VAV2: variants seen among roughly 807,000 people sequenced by gnomAD.
The protein encoded by VAV2 is guanine nucleotide exchange factor VAV2.
VAV2 carries 67 observed loss-of-function variants against 132.5 expected under a neutral mutation model. That is an observed-to-expected ratio of 0.51 (90% CI 0.42 to 0.62). VAV2 has a LOEUF of 0.62. VAV2 is among the 20% of genes least tolerant of loss of function. The pLI, the probability that VAV2 is intolerant of heterozygous loss-of-function variation, is 0.00. For missense variants in VAV2, 938 were observed against 1,153.6 expected (o/e 0.81, Z 2.71); for synonymous variants, 492 against 443.5 (o/e 1.11, Z -1.37).
intron 22 of VAV2, among the ~76,000 whole-genome samples, chr9:133,777,762 T>C (rs1833867787): frequency 6.6e-6 from 1 of 152,156 alleles, no homozygotes; most frequent in Non-Finnish European, 1.5e-5. Flanking sequence ...ACTGATACTC[T>C]GCACAGCTCA....
At chr9:133,810,168 G>A in intron 6 of VAV2, 23 bp downstream of exon 6, 2 of 1,613,104 alleles carry the variant, frequency 1.2e-6, no homozygotes, top group Non-Finnish European at 1.7e-6. Flanking sequence ...GACGTCCCCA[G>A]CCTCCCCTTC....
In VAV2 at chr9:133,977,313, G is replaced by T. The variant is rs191217955; in HGVS notation, c.204+14762C>A. The stretch of plus-strand genomic sequence containing the variant: ...GGTCTTGGCTTTCACCAAAATGACT[G>T]CGGGATCATTTCTCTCTCCCGTCCC... On this transcript the variant is annotated intron_variant, in intron 1 of 29. Coordinates refer to ENST00000371850, the MANE Select transcript of VAV2 (RefSeq NM_001134398.2). Among the ~76,000 whole-genome samples the T allele has an allele frequency of 3.5e-4, 54 of 152,320 alleles. No individual in the cohort carries two copies. The East Asian group carries it at 5.8e-3, about 16-fold the overall frequency.
intron 12 of VAV2, among the ~76,000 whole-genome samples, chr9:133,793,809 G>A (rs2239913): frequency 0.55 from 83,489 of 151,684 alleles, 23,377 homozygotes; most frequent in African/African-American, 0.65. Context: ...TCTCAAAGAC[G>A]CTGCCGTACA....
Position 133,974,391 on chromosome 9 carries a change from C to T in VAV2, c.204+17684G>A, listed in dbSNP as rs572024924. ...CCAGCCTCCCCTTGAGGCAGCCACT[C>T]GCCGGGTGGGAGTGGACGTCAGGTG... On this transcript the variant is annotated intron_variant, in intron 1 of 29. Coordinates refer to ENST00000371850, the MANE Select transcript of VAV2 (RefSeq NM_001134398.2). 3.9e-5 allele frequency among the ~76,000 whole-genome samples: 6 copies of T among 152,300 alleles called. No homozygotes were observed. The East Asian group carries it at 7.7e-4, about 20-fold the overall frequency.
chr9:133,983,291 C>T (rs544826233), intron 1 of VAV2, among the ~76,000 whole-genome samples: 2 of 152,328 alleles, frequency 1.3e-5, no homozygotes, highest in African/African-American at 4.8e-5. Context: ...CAAAAGAGGG[C>T]ATCACGCTGC....
chr9:133,967,284 G>A (rs1228305731), intron 1 of VAV2, among the ~76,000 whole-genome samples: 2 of 152,112 alleles, frequency 1.3e-5, no homozygotes, highest in South Asian at 2.1e-4. Context: ...GTGGAGAAAG[G>A]GGAACACTAG....
At chr9:133,887,990 C>A (rs1421868406) in intron 2 of VAV2, among the ~76,000 whole-genome samples, 2 of 152,242 alleles carry the variant, frequency 1.3e-5, no homozygotes, top group Non-Finnish European at 2.9e-5. Flanking sequence ...ACCCCCAGTT[C>A]CCAAGCCCGA....
Position 133,796,503 on chromosome 9 carries a change from C to T in VAV2, c.958G>A (p.Asp320Asn). The T allele has an allele frequency of 6.2e-7, 1 of 1,613,682 alleles. No individual in the cohort carries two copies. Among genetic ancestry groups the T allele is most frequent in the Non-Finnish European group, 8.5e-7 (1 of 1,179,890 alleles). The change falls in exon 11 of 30, where the codon GAT becomes AAT. Residue 320 changes from aspartate to asparagine, a missense_variant. By Grantham distance (23) the Asp-to-Asn change is conservative (BLOSUM62 1). Transcript: ENST00000371850. ...AGGTCTTGCAGCTTAAATTTTCCAT[C>T]CTGGACCTTCAGTGTGCACTCCTGG... ...KVEECTLKVQDGKFKLQDLLV... is the reference protein window; with the variant it reads ...KVEECTLKVQNGKFKLQDLLV...
At chr9:133,952,710 C>T (rs1588161987) in intron 1 of VAV2, among the ~76,000 whole-genome samples, 1 of 152,138 alleles carries the variant, frequency 6.6e-6, no homozygotes, top group Admixed American at 6.5e-5. Flanking sequence ...GACAAGAGGC[C>T]GTGTGACGAC....
At chr9:133,772,125 G>A (rs1421522089) in intron 25 of VAV2, 79 bp from the exon 26 acceptor site, 1 of 599,082 alleles carries the variant, frequency 1.7e-6, no homozygotes, top group Non-Finnish European at 2.6e-6. Context: ...GGCTCATTCT[G>A]TGTTTGCTGC....
rs911643460 is a variant in VAV2, at chr9:133,991,506, CCCGGGT to C, written c.204+563_204+568del. ...GGGAGCCAGGACTGGCGCCAAGTGG[CCCGGGT>C]CCGGGTCCGGGAAGAGGCGGAGGCC... is the stretch of plus-strand genomic sequence containing the variant. On this transcript the variant is annotated intron_variant, in intron 1 of 29. Coordinates refer to ENST00000371850, the MANE Select transcript of VAV2 (RefSeq NM_001134398.2). This position sits in a 1 kb window ranked among gnomAD's most constrained non-coding sequence, Gnocchi z 4.8. Among the ~76,000 whole-genome samples the C allele has an allele frequency of 4.6e-5, 7 of 152,138 alleles. No homozygotes were observed. Among genetic ancestry groups the C allele is most frequent in the African/African-American group, 1.7e-4 (7 of 41,454 alleles).
At position 133,849,469 on chromosome 9, in the gene VAV2, T is replaced by A. The variant is rs1041497741; in HGVS notation, c.380+11905A>T. On this transcript the variant is annotated intron_variant, in intron 3 of 29. Transcript: ENST00000371850. The stretch of plus-strand genomic sequence containing the variant: ...ACAGGCAGGCTAGGCTGAGGAGGCG[T>A]GGCTGAGGGACCCCCTCCTGGACCC... 7.9e-5 allele frequency among the ~76,000 whole-genome samples: 12 copies of A among 152,176 alleles called. 1 individual carries two copies. In the South Asian group the frequency reaches 1.9e-3, roughly 24 times the overall value.
chr9:133,954,986 C>A (rs539807717), intron 1 of VAV2, among the ~76,000 whole-genome samples: 1 of 152,038 alleles, frequency 6.6e-6, no homozygotes, highest in Non-Finnish European at 1.5e-5. Context: ...CTGCTGTTTG[C>A]GTGCAATGAA....
chr9:133,984,446 G>C (rs72764874), intron 1 of VAV2, among the ~76,000 whole-genome samples: 20,138 of 152,106 alleles, frequency 0.13, 1,398 homozygotes, highest in Middle Eastern at 0.17. Flanking sequence ...GCTCTCATCT[G>C]TACAAGAAAT....
chr9:133,796,277 T>C lies in VAV2; in HGVS notation c.1032+152A>G, dbSNP rs1460621202. The C allele has an allele frequency of 8.0e-6, 5 of 628,518 alleles. 1 individual carries two copies. The highest frequency in any genetic ancestry group is 5.9e-5 in the Admixed American group (2 of 34,006). 38.9% of individuals were successfully genotyped at this position (628,518 alleles called of 1,614,324 possible). On this transcript the variant is annotated intron_variant, in intron 11 of 29. Coordinates refer to ENST00000371850, the MANE Select transcript of VAV2 (RefSeq NM_001134398.2). The stretch of plus-strand genomic sequence containing the variant: ...CTGTGATAATCGGCCATCACATGCA[T>C]TGAGCGGTGATTATGAGCTAAGCAT...
At chr9:133,852,666 C>T (rs1457614691) in intron 3 of VAV2, among the ~76,000 whole-genome samples, 1 of 152,172 alleles carries the variant, frequency 6.6e-6, no homozygotes, top group Non-Finnish European at 1.5e-5. Flanking sequence ...GCTGCCAGCC[C>T]TGCTTCTCCT....
At chr9:133,791,186 G>C (rs1432400614) in intron 13 of VAV2, among the ~76,000 whole-genome samples, 1 of 152,204 alleles carries the variant, frequency 6.6e-6, no homozygotes, top group Non-Finnish European at 1.5e-5. Context: ...TGCTTCCTGG[G>C]GTGGCGCATC....
At chr9:133,843,717 G>A (rs1311152416) in intron 3 of VAV2, among the ~76,000 whole-genome samples, 3 of 152,206 alleles carry the variant, frequency 2.0e-5, no homozygotes, top group African/African-American at 7.2e-5. Flanking sequence ...CAGGCAGCCC[G>A]GGCAGGGGGT....
chr9:133,892,964 T>C (rs1432087873), intron 2 of VAV2, among the ~76,000 whole-genome samples: 1 of 152,164 alleles, frequency 6.6e-6, no homozygotes, highest in Non-Finnish European at 1.5e-5. Flanking sequence ...ACAAAAAGAC[T>C]TCAAAGTGAG....
Sources: allele counts gnomAD v4.1 joint callset (sites outside exome capture counted in the v4.1 genomes callset), GRCh38; gene constraint gnomAD v4.1.1; non-coding constraint Gnocchi (gnomAD v3.1); transcripts MANE v1.5; gene names NCBI Gene and HGNC (gene_info 2026-07-23, HGNC 2026-07-21).